PIK3C3: variants seen among roughly 807,000 people sequenced by gnomAD.
PIK3C3 encodes the protein PI3-kinase type 3.
Under a neutral mutation model 126.1 loss-of-function variants are expected in PIK3C3, and 95 were observed. The ratio of observed to expected loss-of-function variants is 0.75; its 90% CI spans 0.64 to 0.89. PIK3C3 has a LOEUF of 0.89. Among genes scored for constraint, PIK3C3 ranks in the 40% least tolerant of loss-of-function variants. The pLI, the probability that PIK3C3 is intolerant of heterozygous loss-of-function variation, is 0.00. For missense variants in PIK3C3, 829 were observed against 1,063.2 expected (o/e 0.78, Z 3.06); for synonymous variants, 374 against 360.0 (o/e 1.04, Z -0.44).
At chr18:41,988,192 C>T (rs916372595) in intron 5 of PIK3C3, among the ~76,000 whole-genome samples, 16 of 152,134 alleles carry the variant, frequency 1.1e-4, no homozygotes, top group Non-Finnish European at 1.9e-4. Flanking sequence ...GTCATATCAG[C>T]TCATGTTCAA....
intron 22 of PIK3C3, among the ~76,000 whole-genome samples, chr18:42,062,500 A>G (rs993891444): frequency 6.6e-6 from 1 of 152,014 alleles, no homozygotes; most frequent in African/African-American, 2.4e-5. Context: ...TATTTTATGT[A>G]TAGCCCAAGA....
At chr18:41,959,650 T>C (rs1192888602) in intron 2 of PIK3C3, among the ~76,000 whole-genome samples, 1 of 152,014 alleles carries the variant, frequency 6.6e-6, no homozygotes, top group Non-Finnish European at 1.5e-5. Context: ...AAAAATTGCC[T>C]GGACATGGTG....
intron 20 of PIK3C3, among the ~76,000 whole-genome samples, chr18:42,046,583 AT>A (rs1984569010): frequency 6.6e-6 from 1 of 152,144 alleles, no homozygotes; most frequent in Non-Finnish European, 1.5e-5. Context: ...TTTTGACAAG[AT>A]TTTCTTGGAC....
At chr18:42,061,311 G>A (rs1304017699) in intron 22 of PIK3C3, among the ~76,000 whole-genome samples, 1 of 152,106 alleles carries the variant, frequency 6.6e-6, no homozygotes, top group African/African-American at 2.4e-5. Flanking sequence ...GGCCGGGCAG[G>A]GTGGCTCATG....
At position 42,066,280 on chromosome 18, in the gene PIK3C3, C is replaced by T. The variant is rs567454447; in HGVS notation, c.2524-1108C>T. 1.2e-4 allele frequency among the ~76,000 whole-genome samples: 19 copies of T among 152,282 alleles called. No individual in the cohort carries two copies. The South Asian group carries it at 3.7e-3, about 30-fold the overall frequency. On this transcript the variant is annotated intron_variant, in intron 23 of 24. Coordinates refer to ENST00000262039, the MANE Select transcript of PIK3C3 (RefSeq NM_002647.4). The stretch of plus-strand genomic sequence containing the variant: ...CAGATCACCTGGTATACCTCCAGTA[C>T]AGTGAAGAGACAAGGGCACTGAGCT...
chr18:41,958,741 G>A (rs754174636), intron 2 of PIK3C3, among the ~76,000 whole-genome samples: 1 of 151,856 alleles, frequency 6.6e-6, no homozygotes, highest in Non-Finnish European at 1.5e-5. Flanking sequence ...GTGTGTATGT[G>A]TATGTAGATA....
At chr18:42,027,330 TTTA>T (rs1168534234) in intron 13 of PIK3C3, 110 bp from the exon 14 acceptor site, 6 of 482,530 alleles carry the variant, frequency 1.2e-5, no homozygotes, top group Middle Eastern at 3.6e-4. Flanking sequence ...TTACTCCAAT[TTTA>T]TTATTTTTGC....
At chr18:41,978,479 A>G (rs1394159042) in intron 4 of PIK3C3, among the ~76,000 whole-genome samples, 1 of 152,196 alleles carries the variant, frequency 6.6e-6, no homozygotes, top group Non-Finnish European at 1.5e-5. Flanking sequence ...CAAAAGGACC[A>G]AGGGGTTCTT....
At chr18:42,011,516 G>C (rs1056838754) in intron 10 of PIK3C3, among the ~76,000 whole-genome samples, 1 of 152,132 alleles carries the variant, frequency 6.6e-6, no homozygotes, top group Non-Finnish European at 1.5e-5. Flanking sequence ...TTAGGGCCTT[G>C]CTCTGGATTG....
At chr18:42,002,106 AG>A (rs1175362985) in intron 9 of PIK3C3, among the ~76,000 whole-genome samples, 10 of 152,228 alleles carry the variant, frequency 6.6e-5, no homozygotes, top group African/African-American at 2.4e-4. Flanking sequence ...TTTAAATGAC[AG>A]TAGTAAAATT....
At chr18:42,071,411 A>T (rs1206936119) in intron 24 of PIK3C3, among the ~76,000 whole-genome samples, 2 of 152,094 alleles carry the variant, frequency 1.3e-5, no homozygotes, top group Non-Finnish European at 2.9e-5. Context: ...TAGATGAGAA[A>T]ACTGAACCAC....
chr18:42,043,667 A>G, intron 19 of PIK3C3, 66 bp from the exon 20 acceptor site: 1 of 1,002,452 alleles, frequency 1.0e-6, no homozygotes, highest in Non-Finnish European at 1.6e-6. Flanking sequence ...CACTATTTAT[A>G]GTTTCAAAAC....
At chr18:41,978,250 G>C (rs1981029812) in intron 4 of PIK3C3, among the ~76,000 whole-genome samples, 1 of 152,130 alleles carries the variant, frequency 6.6e-6, no homozygotes, top group Non-Finnish European at 1.5e-5. Flanking sequence ...CCACCATGCT[G>C]GACCTCTAGG....
chr18:41,970,606 A>G, intron 4 of PIK3C3, 150 bp downstream of exon 4: 2 of 739,442 alleles, frequency 2.7e-6, no homozygotes, highest in Non-Finnish European at 2.3e-6. Flanking sequence ...TTCACATACC[A>G]TAAAGTTCAC....
chr18:42,037,832 C>A lies in PIK3C3; in HGVS notation c.1968+12C>A. ...CACTCATGGACAAGGTGAACATGAC[C>A]TTATGTTGGTGGGGAACATTTTTTT... On this transcript the variant is annotated intron_variant, in intron 17 of 24. Coordinates refer to ENST00000262039, the MANE Select transcript of PIK3C3 (RefSeq NM_002647.4). 6.3e-7 allele frequency: 1 copy of A among 1,594,618 alleles called. No individual in the cohort carries two copies. The highest frequency in any genetic ancestry group is 8.6e-7 in the Non-Finnish European group (1 of 1,166,644).
intron 4 of PIK3C3, among the ~76,000 whole-genome samples, chr18:41,975,738 C>T (rs1472211451): frequency 2.7e-5 from 4 of 147,374 alleles, no homozygotes; most frequent in African/African-American, 5.0e-5. Flanking sequence ...CTTGCTCTGT[C>T]GCCCAGGCTG....
chr18:41,995,844 C>T (rs1377120852), intron 7 of PIK3C3, 46 bp from the exon 8 acceptor site: 12 of 1,316,848 alleles, frequency 9.1e-6, no homozygotes, highest in Non-Finnish European at 1.3e-5. Context: ...TTTGAAATTT[C>T]CTTTTGGTGA....
At chr18:42,015,144 TAA>T (rs976146598) in intron 11 of PIK3C3, among the ~76,000 whole-genome samples, 2 of 152,166 alleles carry the variant, frequency 1.3e-5, no homozygotes, top group Non-Finnish European at 2.9e-5. Context: ...ATTTTATTTT[TAA>T]AAAGAGAGAA....
intron 4 of PIK3C3, among the ~76,000 whole-genome samples, chr18:41,977,498 G>GTT (rs754396172): frequency 6.6e-6 from 1 of 151,414 alleles, no homozygotes; most frequent in Admixed American, 6.6e-5. Context: ...AGATATATGT[G>GTT]TATTTTTTTT....
Sources: gnomAD v4.1 joint callset for allele counts (sites outside exome capture counted in the v4.1 genomes callset) on GRCh38, gnomAD v4.1.1 for gene constraint, MANE v1.5 for transcripts, NCBI Gene and HGNC (gene_info 2026-07-23, HGNC 2026-07-21) for gene names.